The following CBLB variants were observed in gnomAD, a reference collection of about 807,000 sequenced individuals.
CBLB encodes Cbl proto-oncogene B, also known as E3 ubiquitin-protein ligase CBL-B.
CBLB carries 31 observed loss-of-function variants against 104.9 expected under a neutral mutation model. The ratio of observed to expected loss-of-function variants is 0.30; its 90% confidence interval spans 0.22 to 0.40. CBLB has a LOEUF of 0.40. Among genes scored for constraint, CBLB ranks in the 10% least tolerant of loss-of-function variants. The pLI is 1.00. For synonymous variants in CBLB, 440 were observed against 422.6 expected (o/e 1.04, Z -0.51); for missense variants, 1,062 against 1,214.6 (o/e 0.87, Z 1.87).
In CBLB at chr3:105,693,453, T is replaced by C. The variant is rs773148924; in HGVS notation, c.2054+41A>G. On this transcript the variant is annotated intron_variant, in intron 13 of 18. Coordinates refer to ENST00000394030, the MANE Select transcript of CBLB (RefSeq NM_170662.5). ...CTCTCAAAACCACTCTACCATATCT[T>C]GATGCATAGACAAGTGATCTCCAAA... is the stretch of plus-strand genomic sequence containing the variant. 7.6e-6 allele frequency: 10 copies of C among 1,308,282 alleles called. No homozygotes were observed. In the South Asian group the frequency reaches 9.5e-5, roughly 12 times the overall value. The allele number at this position is 1,308,282 out of a possible 1,614,324, so 81.0% of individuals were successfully genotyped here.
intron 10 of CBLB, among the ~76,000 whole-genome samples, chr3:105,718,696 G>A (rs1307016149): frequency 3.3e-5 from 5 of 152,128 alleles, no homozygotes; most frequent in African/African-American, 1.2e-4. Flanking sequence ...GTGTTGAAAG[G>A]CTCTGTTGGC....
chr3:105,677,774 TA>T (rs2065832553), intron 17 of CBLB, among the ~76,000 whole-genome samples: 1 of 149,720 alleles, frequency 6.7e-6, no homozygotes, highest in Non-Finnish European at 1.5e-5. Flanking sequence ...TATACTAATA[TA>T]AAAAATTAGT....
Position 105,681,751 on chromosome 3 carries a change from T to C in CBLB, c.2269A>G (p.Ile757Val). ...HGPSSEKKSN[I>V]PDLSIYLKGD... ...TTTAAATATATGCTTAAGTCAGGGA[T>C]GTTTGATTTCTTCTCTGAAGATGGA... The change falls in exon 15 of 19, where the codon ATC (isoleucine) becomes GTC (valine). Residue 757 changes from isoleucine to valine, a missense_variant. By Grantham distance (29) the Ile-to-Val change is conservative. This residue lies in a region of CBLB where 605 missense variants were observed against 582.6 expected (regional missense o/e 1.04). Coordinates refer to ENST00000394030, the MANE Select transcript of CBLB (RefSeq NM_170662.5). 6.2e-7 allele frequency: 1 copy of C among 1,609,770 alleles called. No individual in the cohort carries two copies. Among genetic ancestry groups the C allele is most frequent in the Non-Finnish European group, 8.5e-7 (1 of 1,176,182 alleles).
chr3:105,787,681 A>G (rs2081182916), intron 3 of CBLB, among the ~76,000 whole-genome samples: 1 of 152,232 alleles, frequency 6.6e-6, no homozygotes. Context: ...TAGACTGAAG[A>G]AATCCTGAAG....
At chr3:105,700,152 AAAAT>A (rs1332940089) in intron 12 of CBLB, among the ~76,000 whole-genome samples, 5 of 152,152 alleles carry the variant, frequency 3.3e-5, no homozygotes, top group Admixed American at 1.3e-4. Context: ...TATAGTTAAT[AAAAT>A]AAAAACAGTA....
At position 105,683,289 on chromosome 3, in the gene CBLB, G is replaced by GTTAAGC. The variant is rs2066554840; in HGVS notation, c.2202-1477_2202-1472dup. On this transcript the variant is annotated intron_variant, in intron 14 of 18. Coordinates refer to ENST00000394030, the MANE Select transcript of CBLB (RefSeq NM_170662.5). ...AAAAATACACACAGGGAAAGAAAGT[G>GTTAAGC]TTAAGCTTAAAGAGCTCTTTGGAGA... Among the ~76,000 whole-genome samples, 6 of 152,264 alleles carry GTTAAGC rather than the reference G, an allele frequency of 3.9e-5. No homozygotes were observed. In the South Asian group the frequency reaches 1.2e-3, roughly 32 times the overall value.
chr3:105,690,010 T>C (rs1464019062), intron 13 of CBLB, among the ~76,000 whole-genome samples: 1 of 110,554 alleles, frequency 9.0e-6, no homozygotes, highest in African/African-American at 3.5e-5. Flanking sequence ...ATTGCAAAGA[T>C]ACAGTTTAAC....
chr3:105,833,163 G>A (rs1200130087), intron 3 of CBLB, among the ~76,000 whole-genome samples: 4 of 152,172 alleles, frequency 2.6e-5, no homozygotes, highest in Non-Finnish European at 4.4e-5. Context: ...CCCTTCATAT[G>A]AGTAAATAAT....
chr3:105,779,036 T>A (rs528437678), intron 3 of CBLB, among the ~76,000 whole-genome samples: 5 of 152,330 alleles, frequency 3.3e-5, no homozygotes, highest in South Asian at 2.1e-4. Flanking sequence ...AAACTTCCAA[T>A]TGATACATAC....
intron 2 of CBLB, among the ~76,000 whole-genome samples, chr3:105,854,867 G>A (rs536885095): frequency 6.6e-6 from 1 of 152,198 alleles, no homozygotes; most frequent in South Asian, 2.1e-4. Flanking sequence ...TCCTGACCTT[G>A]TGATCCACCC....
At chr3:105,785,056 A>G (rs2080808138) in intron 3 of CBLB, among the ~76,000 whole-genome samples, 1 of 152,240 alleles carries the variant, frequency 6.6e-6, no homozygotes, top group East Asian at 1.9e-4. Context: ...CTGCCAGGGC[A>G]CAAAGGTTTC....
intron 3 of CBLB, among the ~76,000 whole-genome samples, chr3:105,834,257 A>G (rs2088068283): frequency 6.6e-6 from 1 of 152,220 alleles, no homozygotes; most frequent in Non-Finnish European, 1.5e-5. Flanking sequence ...AAAAGTAAGT[A>G]TGGGAAGTAA....
chr3:105,693,901 A>G (rs2068024742), intron 12 of CBLB, among the ~76,000 whole-genome samples: 1 of 152,018 alleles, frequency 6.6e-6, no homozygotes, highest in African/African-American at 2.4e-5. Context: ...ACCAACTATG[A>G]TCAGTTTTTA....
chr3:105,865,858 T>C (rs1422673539), intron 2 of CBLB, among the ~76,000 whole-genome samples: 1 of 152,170 alleles, frequency 6.6e-6, no homozygotes, highest in African/African-American at 2.4e-5. Context: ...GAGAAAAACC[T>C]TGAATTCCTT....
intron 7 of CBLB, among the ~76,000 whole-genome samples, chr3:105,740,118 G>A (rs1449067171): frequency 6.6e-6 from 1 of 151,456 alleles, no homozygotes; most frequent in Non-Finnish European, 1.5e-5. Context: ...AAAAAAGAAA[G>A]AAAAAGTGAA....
At chr3:105,734,641 C>T (rs1330884544) in intron 8 of CBLB, among the ~76,000 whole-genome samples, 1 of 152,120 alleles carries the variant, frequency 6.6e-6, no homozygotes, top group Non-Finnish European at 1.5e-5. Flanking sequence ...TCCCGCATGC[C>T]AGGCACTGTG....
intron 17 of CBLB, among the ~76,000 whole-genome samples, chr3:105,674,426 C>T (rs1442878140): frequency 6.6e-6 from 1 of 152,200 alleles, no homozygotes; most frequent in Non-Finnish European, 1.5e-5. Flanking sequence ...GTCAATTTGG[C>T]TAGCTTTCAG....
At chr3:105,749,857 A>C (rs542875004) in intron 5 of CBLB, 50 of 188,378 alleles carry the variant, frequency 2.7e-4, no homozygotes, top group African/African-American at 1.2e-3. Flanking sequence ...AAAAAAACAT[A>C]AACTGTCAAA....
Position 105,853,409 on chromosome 3 carries a change from C to T in CBLB, c.419+5G>A. 1 of 1,613,484 alleles carries T rather than the reference C, an allele frequency of 6.2e-7. No individual in the cohort carries two copies. The highest frequency in any genetic ancestry group is 1.1e-5 in the South Asian group (1 of 90,990). On this transcript the variant is annotated splice_donor_5th_base_variant and intron_variant, in intron 3 of 18. Transcript: ENST00000394030. The stretch of plus-strand genomic sequence containing the variant: ...ACACCAAAACATCTGAAATATTCTT[C>T]TTACCTGTCCTGTGACTGTTCTTCA...
Sources: allele counts gnomAD v4.1 joint callset (sites outside exome capture counted in the v4.1 genomes callset), GRCh38; gene constraint gnomAD v4.1.1; regional missense constraint gnomAD v4.1.1; transcripts MANE v1.5; gene names NCBI Gene and HGNC (gene_info 2026-07-23, HGNC 2026-07-21).